ABHD3: variants seen among roughly 807,000 people sequenced by gnomAD.
The protein encoded by ABHD3 is phospholipase ABHD3.
Under a neutral mutation model 48.8 loss-of-function variants are expected in ABHD3, and 46 were observed. The observed-to-expected ratio is 0.94, with a 90% CI of 0.74 to 1.20. The LOEUF (loss-of-function observed/expected upper bound fraction) is 1.20, where lower values mean the gene tolerates loss of function less well. Among genes scored for constraint, ABHD3 ranks in the 50% most tolerant of loss-of-function variants. ABHD3 has a pLI of 0.00. For missense variants in ABHD3, 490 were observed against 497.8 expected, an observed-to-expected ratio of 0.98 and a Z score of 0.15; for synonymous variants, 192 against 183.7, an observed-to-expected ratio of 1.04 and a Z score of -0.36.
rs2040592315 is a variant in ABHD3 at position 21,704,494 on chromosome 18, C to T, written c.162+10G>A. ...CAGCAGCCCGCGGCCCTGCGCCACC[C>T]CCGGCTCACCTTGGCAATGCTGCTC... On this transcript the variant is annotated intron_variant, in intron 1 of 8. Coordinates refer to ENST00000289119, the MANE Select transcript of ABHD3 (RefSeq NM_138340.5). 1.4e-6 allele frequency: 2 copies of T among 1,408,212 alleles called. No individual in the cohort carries two copies. The highest frequency in any genetic ancestry group is 3.1e-5 in the South Asian group (2 of 64,504). 87.2% of individuals were successfully genotyped at this position (1,408,212 alleles called of 1,614,324 possible).
chr18:21,658,407 C>G (rs1381713047), intron 6 of ABHD3, among the ~76,000 whole-genome samples: 1 of 152,094 alleles, frequency 6.6e-6, no homozygotes, highest in Non-Finnish European at 1.5e-5. Flanking sequence ...GTACTTACTA[C>G]ATTACTATCC....
chr18:21,666,774 C>T (rs535487866), intron 4 of ABHD3, among the ~76,000 whole-genome samples: 16 of 152,214 alleles, frequency 1.1e-4, no homozygotes, highest in Middle Eastern at 3.4e-3. Flanking sequence ...ATGTGAATGT[C>T]ATCAATAAGG....
At chr18:21,672,985 G>A (rs181288799) in intron 4 of ABHD3, among the ~76,000 whole-genome samples, 218 of 152,288 alleles carry the variant, frequency 1.4e-3, no homozygotes, top group African/African-American at 4.9e-3. Context: ...TCCTGCCAGC[G>A]CTCCAGATGG....
intron 5 of ABHD3, 74 bp from the exon 6 acceptor site, chr18:21,659,417 A>G: frequency 6.9e-7 from 1 of 1,441,484 alleles, no homozygotes; most frequent in Non-Finnish European, 9.4e-7. Flanking sequence ...CTAACTACAG[A>G]CTTTATGTTA....
In ABHD3 at chr18:21,671,440, C is replaced by T. The variant is rs555243564; in HGVS notation, c.556-7210G>A. On this transcript the variant is annotated intron_variant, in intron 4 of 8. Transcript: ENST00000289119. ...CAGTATATTGAATTGATAGGCTTTG[C>T]AGAAACTGTCTCCAGGCCTGAAGAT... Among the ~76,000 whole-genome samples, 208 of 152,202 alleles carry T rather than the reference C, an allele frequency of 1.4e-3. 2 individuals carry two copies. Among genetic ancestry groups the T allele is most frequent in the Middle Eastern group, 3.4e-3 (1 of 294 alleles).
intron 4 of ABHD3, among the ~76,000 whole-genome samples, chr18:21,680,852 A>ATGTGTATGTGTGTG (rs1555681005): frequency 6.5e-5 from 7 of 108,508 alleles, no homozygotes; most frequent in African/African-American, 4.2e-4. Flanking sequence ...TCTTTTTCAA[A>ATGTGTATGTGTGTG]TGTGTGTGTG....
intron 3 of ABHD3, among the ~76,000 whole-genome samples, chr18:21,685,150 G>C (rs929640229): frequency 6.6e-6 from 1 of 152,234 alleles, no homozygotes; most frequent in Non-Finnish European, 1.5e-5. Flanking sequence ...GATTTAGTGA[G>C]TCTATATTCA....
intron 4 of ABHD3, among the ~76,000 whole-genome samples, chr18:21,668,492 A>G (rs2039688483): frequency 6.6e-6 from 1 of 152,190 alleles, no homozygotes; most frequent in African/African-American, 2.4e-5. Context: ...TGCCCTAAGG[A>G]AAATTGCTAG....
At chr18:21,681,000 T>C (rs1048750728) in intron 4 of ABHD3, among the ~76,000 whole-genome samples, 21 of 151,946 alleles carry the variant, frequency 1.4e-4, no homozygotes, top group African/African-American at 7.3e-5. Context: ...AGTGTTGGGA[T>C]TGCAGGTGTG....
intron 4 of ABHD3, among the ~76,000 whole-genome samples, chr18:21,674,843 C>T (rs921961229): frequency 6.6e-6 from 1 of 152,086 alleles, no homozygotes; most frequent in Non-Finnish European, 1.5e-5. Flanking sequence ...GACCTCTATA[C>T]CCCTCCTCCC....
At position 21,659,353 on chromosome 18, in the gene ABHD3, G is replaced by C; in HGVS notation, c.669-10C>G. ...ATTTAGAAGCAGCATTCTAAAATGG[G>C]GAGAAACAGGAAACTCAGTGATTAA... On this transcript the variant is annotated splice_polypyrimidine_tract_variant and intron_variant, in intron 5 of 8. Transcript: ENST00000289119. 1 of 1,599,054 alleles carries C rather than the reference G, an allele frequency of 6.3e-7. No homozygotes were observed.
intron 3 of ABHD3, among the ~76,000 whole-genome samples, chr18:21,696,605 T>A (rs533064011): frequency 3.3e-5 from 5 of 152,366 alleles, no homozygotes; most frequent in Admixed American, 6.5e-5. Flanking sequence ...AACTACTTTA[T>A]CAATCATATA....
At chr18:21,699,898 G>A (rs148376230) in intron 3 of ABHD3, among the ~76,000 whole-genome samples, 10 of 152,104 alleles carry the variant, frequency 6.6e-5, no homozygotes, top group African/African-American at 1.7e-4. Flanking sequence ...GGCTAGTCTC[G>A]AACTCCTGAC....
chr18:21,692,239 C>T (rs1264978320), intron 3 of ABHD3, among the ~76,000 whole-genome samples: 6 of 152,226 alleles, frequency 3.9e-5, no homozygotes, highest in East Asian at 1.9e-4. Flanking sequence ...CGTGAGCCAC[C>T]GCACCCGGCC....
rs112345237 is a variant in ABHD3, at chr18:21,662,242, T to C, written c.668+1876A>G. 89 of 152,274 alleles carry C rather than the reference T, an allele frequency of 5.8e-4. 1 individual carries two copies. Among genetic ancestry groups the C allele is most frequent in the African/African-American group, 1.9e-3 (80 of 41,540 alleles). 9.4% of individuals were successfully genotyped at this position (152,274 alleles called of 1,614,324 possible). On this transcript the variant is annotated intron_variant, in intron 5 of 8. Transcript: ENST00000289119. ...GCCTTGGCCTCCCAGCGTGTTGGGA[T>C]TACAAGCATGCACCATCATGCCCGG...
chr18:21,674,753 C>A (rs1034472537), intron 4 of ABHD3, among the ~76,000 whole-genome samples: 3 of 152,084 alleles, frequency 2.0e-5, no homozygotes, highest in African/African-American at 4.8e-5. Context: ...AACAATATGT[C>A]CAGTAGGGAG....
At chr18:21,673,780 A>T (rs1367962525) in intron 4 of ABHD3, 1 of 151,526 alleles carries the variant, frequency 6.6e-6, no homozygotes, top group African/African-American at 2.4e-5. Context: ...TAATTTTTGT[A>T]GTTTTAGTAG....
intron 5 of ABHD3, among the ~76,000 whole-genome samples, chr18:21,662,771 A>G (rs912385845): frequency 6.6e-6 from 1 of 152,226 alleles, no homozygotes; most frequent in Non-Finnish European, 1.5e-5. Flanking sequence ...ACCAGCTGTA[A>G]AGGCTAATGG....
chr18:21,676,642 T>C (rs1031499924), intron 4 of ABHD3, among the ~76,000 whole-genome samples: 2 of 152,304 alleles, frequency 1.3e-5, no homozygotes, highest in South Asian at 2.1e-4. Flanking sequence ...CCACCCGCCT[T>C]GGCCTCCCAA....
Sources: allele counts gnomAD v4.1 joint callset (sites outside exome capture counted in the v4.1 genomes callset), GRCh38; gene constraint gnomAD v4.1.1; transcripts MANE v1.5; gene names NCBI Gene and HGNC (gene_info 2026-07-23, HGNC 2026-07-21).